The following IGFN1 variants were observed in gnomAD, a reference collection of about 807,000 sequenced individuals.
IGFN1 encodes immunoglobulin like and fibronectin type III domain containing 1.
In IGFN1, 253 loss-of-function variants were observed where a neutral mutation model predicts 289.5. The observed-to-expected ratio is 0.87, with a 90% CI of 0.79 to 0.97. The LOEUF is 0.97. Among genes scored for constraint, IGFN1 ranks in the 50% least tolerant of loss-of-function variants. The probability of loss-of-function intolerance (pLI) is 0.00; values close to 1 mark genes in which losing one functional copy is unlikely to be tolerated. For synonymous variants in IGFN1, 1,706 were observed against 1,788.5 expected, an observed-to-expected ratio of 0.95 and a Z score of 1.16; for missense variants, 4,470 against 4,686.1, an observed-to-expected ratio of 0.95 and a Z score of 1.35.
rs1037747184 is a variant in IGFN1 at position 201,211,756 on chromosome 1, A to C, written c.6863A>C (p.Asn2288Thr). 22 of 1,536,864 alleles carry C rather than the reference A, an allele frequency of 1.4e-5. No individual in the cohort carries two copies. Among genetic ancestry groups the C allele is most frequent in the Non-Finnish European group, 1.9e-5 (22 of 1,146,796 alleles). Residue 2288 changes from asparagine to threonine, a missense_variant, in exon 12 of 24, where the codon AAT becomes ACT. This residue lies in a region of IGFN1 where 2,218 missense variants were observed against 2,114.1 expected (regional missense o/e 1.05). Transcript: ENST00000335211. ...ISSGDEAGYK[N>T]VLGGSGRNPL... is the part of the protein sequence containing the mutation. ...TCAGGGGATGAGGCAGGTTATAAGA[A>C]TGTTTTAGGGGGTTCTGGGAGGAAT...
rs774328473 is a variant in IGFN1, at chr1:201,227,228, C to A, written c.11113+20C>A. ...TCATAGGTAATGGTGGCTGCCCTGG[C>A]AGTGGGGCAGGAAGGAGAGCCAGGA... On this transcript the variant is annotated intron_variant, in intron 23 of 23. Coordinates refer to ENST00000335211, the MANE Select transcript of IGFN1 (RefSeq NM_001164586.2). 1.3e-6 allele frequency: 2 copies of A among 1,535,598 alleles called. No homozygotes were observed. Among genetic ancestry groups the A allele is most frequent in the East Asian group, 4.9e-5 (2 of 41,006 alleles).
At chr1:201,197,468 C>G (rs1046936261) in intron 5 of IGFN1, among the ~76,000 whole-genome samples, 151 bp downstream of exon 5, 3 of 152,130 alleles carry the variant, frequency 2.0e-5, no homozygotes, top group Non-Finnish European at 4.4e-5. Context: ...TGTGCTGGGC[C>G]CCGGGCTTCA....
In IGFN1 at chr1:201,211,230, C is replaced by A; in HGVS notation, c.6337C>A (p.Pro2113Thr). 6.5e-7 allele frequency: 1 copy of A among 1,528,464 alleles called. No individual in the cohort carries two copies. The highest frequency in any genetic ancestry group is 8.7e-7 in the Non-Finnish European group (1 of 1,144,288). The allele number at this position is 1,528,464 out of a possible 1,614,324, so 94.7% of individuals were successfully genotyped here. A position where few individuals can be genotyped will look rare whatever the true frequency, so the allele number is the denominator to read the frequency against. Reference sequence around the variant, plus strand: ...AGGTTATAGGAAGGATTTGGGGGCTCCTGAGGGAATAGGTTCAGGAAGTAA... The same window carrying A: ...AGGTTATAGGAAGGATTTGGGGGCTACTGAGGGAATAGGTTCAGGAAGTAA... ...EAGYRKDLGA[P>T]EGIGSGSKAG... The change falls in exon 12 of 24, where the codon CCT (proline) becomes ACT (threonine). Residue 2113 changes from proline to threonine, a missense_variant. Pro to Thr is a conservative substitution (Grantham distance 38, BLOSUM62 -1). This residue lies in a region of IGFN1 where 2,218 missense variants were observed against 2,114.1 expected (regional missense o/e 1.05). Coordinates refer to ENST00000335211, the MANE Select transcript of IGFN1 (RefSeq NM_001164586.2).
chr1:201,224,942 C>T (rs1653983359), intron 21 of IGFN1, 68 bp downstream of exon 21: 2 of 1,198,828 alleles, frequency 1.7e-6, no homozygotes, highest in Non-Finnish European at 2.3e-6. Context: ...GAGGTGTCCA[C>T]TGGTCTGATC....
At position 201,203,596 on chromosome 1, in the gene IGFN1, C is replaced by T. The variant is rs968312149; in HGVS notation, c.748-142C>T. On this transcript the variant is annotated intron_variant, in intron 9 of 23. Coordinates refer to ENST00000335211, the MANE Select transcript of IGFN1 (RefSeq NM_001164586.2). ...CCAGGCCCTGCTGTCCACCCCATCCCAGCTCCTCTATGGTTCCAGGAATCT... is the reference window on the plus strand; with the variant it reads ...CCAGGCCCTGCTGTCCACCCCATCCTAGCTCCTCTATGGTTCCAGGAATCT... The T allele has an allele frequency of 1.5e-5, 11 of 715,570 alleles. No homozygotes were observed. In the African/African-American group the frequency reaches 1.6e-4, roughly 10 times the overall value. The allele number at this position is 715,570 out of a possible 1,614,324, so 44.3% of individuals were successfully genotyped here.
intron 1 of IGFN1, among the ~76,000 whole-genome samples, chr1:201,192,036 G>C (rs1214525192): frequency 2.0e-5 from 3 of 152,216 alleles, no homozygotes; most frequent in Non-Finnish European, 4.4e-5. Flanking sequence ...GTCCAGCTGG[G>C]TCCTCATCCG....
Position 201,211,722 on chromosome 1 carries a change from A to G in IGFN1, c.6829A>G (p.Lys2277Glu), listed in dbSNP as rs1474738823. The G allele has an allele frequency of 5.9e-6, 9 of 1,536,818 alleles. No homozygotes were observed. The highest frequency in any genetic ancestry group is 7.8e-6 in the Non-Finnish European group (9 of 1,146,746). Residue 2277 changes from lysine (K) to glutamate (E), a missense_variant, in exon 12 of 24, where the codon AAA (lysine) becomes GAA (glutamate). Physicochemically the swap from Lys to Glu is moderately conservative, Grantham distance 56. This residue lies in a region of IGFN1 where 2,218 missense variants were observed against 2,114.1 expected (regional missense o/e 1.05). Transcript: ENST00000335211. Reference protein sequence around the residue: ...DYRNGLGSSGKISSGDEAGYK... With the variant: ...DYRNGLGSSGEISSGDEAGYK... ...CAGGAATGGTTTAGGCAGTTCTGGA[A>G]AAATCAGTTCAGGGGATGAGGCAGG... is the stretch of plus-strand genomic sequence containing the variant.
In IGFN1 at chr1:201,228,392, G is replaced by T; in HGVS notation, c.11120G>T (p.Ser3707Ile). ...AATATCCTGTGTCTTGCAGAACCCA[G>T]CACCTAGCCTCACCTCACCCTGGGA... is the stretch of plus-strand genomic sequence containing the variant. ...STATLIVIEP[S>I]T is the part of the protein sequence containing the mutation. The change falls in exon 24 of 24, where the codon AGC becomes ATC. Residue 3707 changes from serine (S) to isoleucine (I), a missense_variant. By Grantham distance (142) the Ser-to-Ile change is moderately radical (BLOSUM62 -2). Transcript: ENST00000335211. The T allele has an allele frequency of 6.2e-7, 1 of 1,614,026 alleles. No individual in the cohort carries two copies. Among genetic ancestry groups the T allele is most frequent in the Non-Finnish European group, 8.5e-7 (1 of 1,179,960 alleles).
chr1:201,222,423 C>T (rs776521387), intron 19 of IGFN1: 1 of 254,312 alleles, frequency 3.9e-6, no homozygotes, highest in Non-Finnish European at 7.5e-6. Flanking sequence ...GTGTTTATCT[C>T]ATCTGCAAAA....
At chr1:201,218,166 C>A (rs1278620396) in intron 17 of IGFN1, among the ~76,000 whole-genome samples, 1 of 152,236 alleles carries the variant, frequency 6.6e-6, no homozygotes, top group Non-Finnish European at 1.5e-5. Flanking sequence ...CCTGTCAGGG[C>A]TTCAGTTTCC....
At chr1:201,199,272 T>C (rs1228065450) in intron 5 of IGFN1, 62 bp from the exon 6 acceptor site, 2 of 1,400,480 alleles carry the variant, frequency 1.4e-6, no homozygotes, top group African/African-American at 1.4e-5. Context: ...ACCATCAACA[T>C]GTCTTGCTTC....
Position 201,211,930 on chromosome 1 carries a change from G to C in IGFN1, c.7037G>C (p.Gly2346Ala). 6.5e-7 allele frequency: 1 copy of C among 1,527,726 alleles called. No individual in the cohort carries two copies. The highest frequency in any genetic ancestry group is 8.8e-7 in the Non-Finnish European group (1 of 1,141,986). 94.6% of individuals were successfully genotyped at this position (1,527,726 alleles called of 1,614,324 possible). A position where few individuals can be genotyped will look rare whatever the true frequency, so the allele number is the denominator to read the frequency against. Residue 2346 changes from glycine to alanine, a missense_variant, in exon 12 of 24, where the codon GGA (glycine) becomes GCA (alanine). Gly to Ala is a moderately conservative substitution (Grantham distance 60). Around this residue, in one of 8 missense-constraint regions of IGFN1, gnomAD observed 2,218 missense variants for 2,114.1 expected, o/e 1.05. Transcript: ENST00000335211. The stretch of plus-strand genomic sequence containing the variant: ...GTCAGTTATAGAGGAGGCTCAGGAG[G>C]ATCTGGGGAAACGGGACCAGAGGGT... ...SEVSYRGGSG[G>A]SGETGPEGKM... is the part of the protein sequence containing the mutation.
intron 9 of IGFN1, among the ~76,000 whole-genome samples, chr1:201,202,102 G>A (rs1356206290): frequency 2.6e-5 from 4 of 152,134 alleles, no homozygotes; most frequent in Admixed American, 1.3e-4. Context: ...ACCAGAGCAC[G>A]GGGGTGAAAA....
Position 201,212,926 on chromosome 1 carries a change from C to A in IGFN1, c.8033C>A (p.Pro2678Gln), listed in dbSNP as rs1454052929. The A allele has an allele frequency of 4.5e-6, 7 of 1,551,376 alleles. No individual in the cohort carries two copies. The highest frequency in any genetic ancestry group is 6.1e-6 in the Non-Finnish European group (7 of 1,146,976). ...PGGFKGGEGA[P>Q]GQEAAGGCRS... Reference sequence around the variant, plus strand: ...GGCTTTAAGGGTGGGGAGGGTGCACCAGGCCAAGAGGCGGCTGGTGGATGC... The same window carrying A: ...GGCTTTAAGGGTGGGGAGGGTGCACAAGGCCAAGAGGCGGCTGGTGGATGC... The change falls in exon 12 of 24, where the codon CCA becomes CAA. Residue 2678 changes from proline (P) to glutamine (Q), a missense_variant. By Grantham distance (76) the Pro-to-Gln change is moderately conservative. Coordinates refer to ENST00000335211, the MANE Select transcript of IGFN1 (RefSeq NM_001164586.2).
chr1:201,224,959 C>A, intron 21 of IGFN1, 85 bp downstream of exon 21: 2 of 941,452 alleles, frequency 2.1e-6, no homozygotes, highest in Non-Finnish European at 1.6e-6. Flanking sequence ...GATCATAGGT[C>A]TCAGCCACTC....
chr1:201,208,290 C>T lies in IGFN1; in HGVS notation c.3397C>T (p.Leu1133=). ...TGGGGGCTTCAGAGCCTCAGAGGCCCTGGGGGCCTTTGGAGAAGGAGGCTA... is the reference window on the plus strand; with the variant it reads ...TGGGGGCTTCAGAGCCTCAGAGGCCTTGGGGGCCTTTGGAGAAGGAGGCTA... ...NYGGFRASEA[L]GAFGEGGYED... is the part of the protein sequence containing the mutation. The change falls in exon 12 of 24, where the codon CTG becomes TTG. Residue 1133 remains leucine, a synonymous_variant. Transcript: ENST00000335211. 1 of 1,530,496 alleles carries T rather than the reference C, an allele frequency of 6.5e-7. No individual in the cohort carries two copies. The highest frequency in any genetic ancestry group is 2.4e-5 in the East Asian group (1 of 40,854). The allele number at this position is 1,530,496 out of a possible 1,614,324, so 94.8% of individuals were successfully genotyped here.
rs1462734532 is a variant in IGFN1 at position 201,216,468 on chromosome 1, C to T, written c.9310C>T (p.Pro3104Ser). 1.3e-6 allele frequency: 2 copies of T among 1,575,106 alleles called. No individual in the cohort carries two copies. The highest frequency in any genetic ancestry group is 1.7e-6 in the Non-Finnish European group (2 of 1,161,698). ...TLQVIDKPDP[P>S]QGPMEVQDCH... ...TGGGTCCCCAGACAAGCCTGATCCC[C>T]CACAAGGCCCCATGGAGGTTCAGGA... The change falls in exon 16 of 24, where the codon CCA becomes TCA. Residue 3104 changes from proline (P) to serine (S), a missense_variant. Coordinates refer to ENST00000335211, the MANE Select transcript of IGFN1 (RefSeq NM_001164586.2).
At chr1:201,215,453 C>A in intron 14 of IGFN1, 86 bp from the exon 15 acceptor site, 1 of 1,276,044 alleles carries the variant, frequency 7.8e-7, no homozygotes, top group Non-Finnish European at 1.1e-6. Flanking sequence ...ACTCTTCCCC[C>A]AAACTTCCTT....
At position 201,215,586 on chromosome 1, in the gene IGFN1, C is replaced by T; in HGVS notation, c.9043C>T (p.Leu3015=). The T allele has an allele frequency of 6.2e-7, 1 of 1,609,178 alleles. No individual in the cohort carries two copies. Among genetic ancestry groups the T allele is most frequent in the Non-Finnish European group, 8.5e-7 (1 of 1,177,842 alleles). ...PDVTEKLREP[L]VVKAGKPVIV... ...TGTGACAGAGAAACTGAGAGAGCCA[C>T]TGGTGGTCAAGGCTGGGAAGCCGGT... is the stretch of plus-strand genomic sequence containing the variant. Residue 3015 remains leucine, a synonymous_variant, in exon 15 of 24, where the codon CTG becomes TTG. Transcript: ENST00000335211.
Sources: gnomAD v4.1 joint callset for allele counts (sites outside exome capture counted in the v4.1 genomes callset) on GRCh38, gnomAD v4.1.1 for gene constraint, gnomAD v4.1.1 regional missense constraint, MANE v1.5 for transcripts, NCBI Gene and HGNC (gene_info 2026-07-23, HGNC 2026-07-21) for gene names.